The following MYO5B variants were observed in gnomAD, a reference collection of about 807,000 sequenced individuals.
MYO5B encodes the protein myosin VB.
MYO5B carries 143 observed loss-of-function variants against 229.3 expected under a neutral mutation model. The ratio of observed to expected loss-of-function variants is 0.62; its 90% CI spans 0.54 to 0.72. The LOEUF (loss-of-function observed/expected upper bound fraction) is 0.72, where lower values mean the gene tolerates loss of function less well. MYO5B is among the 30% of genes least tolerant of loss of function. The pLI is 0.00. For missense variants in MYO5B, 2,321 were observed against 2,331.0 expected (o/e 1.00, Z 0.09); for synonymous variants, 918 against 885.2 (o/e 1.04, Z -0.66).
chr18:50,104,265 G>T (rs969343425), intron 1 of MYO5B, among the ~76,000 whole-genome samples: 22 of 134,560 alleles, frequency 1.6e-4, no homozygotes, highest in African/African-American at 3.3e-4. Flanking sequence ...ATCTATACAT[G>T]ATATATATAT....
chr18:50,070,255 C>T (rs1461405680), intron 1 of MYO5B, among the ~76,000 whole-genome samples: 2 of 151,958 alleles, frequency 1.3e-5, no homozygotes, highest in African/African-American at 4.8e-5. Context: ...AACTCCTGAC[C>T]TCAGGTGATC....
intron 26 of MYO5B, 94 bp from the exon 27 acceptor site, chr18:49,872,326 T>C (rs2024464916): frequency 8.2e-7 from 1 of 1,224,040 alleles, no homozygotes; most frequent in Non-Finnish European, 1.2e-6. Context: ...TCATCCTGCC[T>C]GTGCGTGAAT....
chr18:50,127,465 C>T (rs1163167176), intron 1 of MYO5B, among the ~76,000 whole-genome samples: 1 of 152,198 alleles, frequency 6.6e-6, no homozygotes, highest in Non-Finnish European at 1.5e-5. Flanking sequence ...AGTGGTCAAA[C>T]TCATGGTATC....
chr18:50,102,058 A>G (rs2031665309), intron 1 of MYO5B, among the ~76,000 whole-genome samples: 1 of 152,236 alleles, frequency 6.6e-6, no homozygotes, highest in South Asian at 2.1e-4. Flanking sequence ...AGCCATAAAA[A>G]GCAATGAGAT....
intron 15 of MYO5B, among the ~76,000 whole-genome samples, chr18:49,936,667 T>C (rs188365599): frequency 5.3e-5 from 8 of 152,310 alleles, no homozygotes; most frequent in Admixed American, 2.6e-4. Context: ...ATTTGGTCAC[T>C]GTGCACCGGA....
At chr18:49,922,543 A>G (rs902559991) in intron 17 of MYO5B, among the ~76,000 whole-genome samples, 4 of 152,184 alleles carry the variant, frequency 2.6e-5, no homozygotes, top group African/African-American at 9.7e-5. Flanking sequence ...AACAAAAGTG[A>G]CACAAAACAC....
intron 3 of MYO5B, among the ~76,000 whole-genome samples, chr18:50,038,456 G>C (rs1004674602): frequency 6.6e-6 from 1 of 152,206 alleles, no homozygotes; most frequent in African/African-American, 2.4e-5. Context: ...CAAAATATAA[G>C]GCCCAGAACC....
At chr18:50,059,770 G>A (rs190238961) in intron 1 of MYO5B, among the ~76,000 whole-genome samples, 2 of 152,316 alleles carry the variant, frequency 1.3e-5, no homozygotes, top group Non-Finnish European at 2.9e-5. Context: ...AAATTACTGA[G>A]CAGGGCTGTT....
intron 29 of MYO5B, among the ~76,000 whole-genome samples, 188 bp downstream of exon 29, chr18:49,863,039 G>A (rs115275212): frequency 8.5e-5 from 13 of 152,118 alleles, no homozygotes; most frequent in African/African-American, 1.7e-4. Flanking sequence ...TGCTGAGAGC[G>A]TGTTGCTCGA....
chr18:49,887,687 CTT>C (rs1226276685), intron 22 of MYO5B, among the ~76,000 whole-genome samples: 1 of 151,950 alleles, frequency 6.6e-6, no homozygotes, highest in Non-Finnish European at 1.5e-5. Flanking sequence ...ACAGGTGTTT[CTT>C]TTGTTTTTTG....
intron 27 of MYO5B, among the ~76,000 whole-genome samples, chr18:49,865,339 A>T (rs1298742025): frequency 6.6e-6 from 1 of 152,132 alleles, no homozygotes; most frequent in Non-Finnish European, 1.5e-5. Flanking sequence ...TCCACCATAT[A>T]TGTGGTGATT....
chr18:49,974,642 A>T, intron 9 of MYO5B, 27 bp from the exon 10 acceptor site: 1 of 1,608,686 alleles, frequency 6.2e-7, no homozygotes, highest in Non-Finnish European at 8.5e-7. Flanking sequence ...AGATAGGTTC[A>T]GGAGGAGTGT....
chr18:49,828,752 C>T (rs866074101), intron 39 of MYO5B, among the ~76,000 whole-genome samples: 18 of 152,070 alleles, frequency 1.2e-4, no homozygotes, highest in South Asian at 2.1e-4. Context: ...TAAATGAAAG[C>T]TGCAAAATCC....
rs953954426 is a variant in MYO5B at position 49,928,478 on chromosome 18, T to C, written c.2090+1034A>G. On this transcript the variant is annotated intron_variant, in intron 17 of 39. Transcript: ENST00000285039. ...GGCTAGCATGGTAAAACTCCATCTT[T>C]ACTAAAAATACAAAAATTAGCCAGA... Among the ~76,000 whole-genome samples the C allele has an allele frequency of 6.6e-5, 10 of 152,274 alleles. No homozygotes were observed. In the East Asian group the frequency reaches 1.9e-3, roughly 29 times the overall value.
At chr18:50,110,356 C>A (rs2031843584) in intron 1 of MYO5B, among the ~76,000 whole-genome samples, 1 of 152,160 alleles carries the variant, frequency 6.6e-6, no homozygotes, top group Admixed American at 6.6e-5. Flanking sequence ...GTGGCCTAAA[C>A]CCTCCCACCT....
chr18:49,927,772 GA>G, intron 17 of MYO5B, among the ~76,000 whole-genome samples: 1 of 152,164 alleles, frequency 6.6e-6, no homozygotes, highest in Non-Finnish European at 1.5e-5. Context: ...TTAAATCTAA[GA>G]CCTGAAACCA....
intron 33 of MYO5B, 73 bp from the exon 34 acceptor site, chr18:49,843,465 T>C (rs563793727): frequency 1.3e-6 from 2 of 1,527,622 alleles, no homozygotes; most frequent in Non-Finnish European, 1.8e-6. Context: ...AATCCTCATC[T>C]GAATAGACGT....
At chr18:50,055,224 T>TCCCCCCCCCCCCCCC in intron 2 of MYO5B, 44 bp downstream of exon 2, 1 of 658,278 alleles carries the variant, frequency 1.5e-6, no homozygotes, top group Non-Finnish European at 2.9e-6. Context: ...CTGAGCTCCC[T>TCCCCCCCCCCCCCCC]GCCCCACCTC....
chr18:50,053,311 G>T (rs1263481763), intron 2 of MYO5B, among the ~76,000 whole-genome samples: 1 of 152,152 alleles, frequency 6.6e-6, no homozygotes, highest in Non-Finnish European at 1.5e-5. Context: ...GAGGAGATGG[G>T]GTCTGGGCAG....
Sources: gnomAD v4.1 joint callset for allele counts (sites outside exome capture counted in the v4.1 genomes callset) on GRCh38, gnomAD v4.1.1 for gene constraint, MANE v1.5 for transcripts, NCBI Gene and HGNC (gene_info 2026-07-23, HGNC 2026-07-21) for gene names.